The following MFSD6 variants were observed in gnomAD, a reference collection of about 807,000 sequenced individuals.
MFSD6 encodes the protein major facilitator superfamily domain-containing protein 6.
Under a neutral mutation model 56.3 loss-of-function variants are expected in MFSD6, and 26 were observed. The observed-to-expected ratio is 0.46, with a 90% CI of 0.34 to 0.64. The LOEUF (loss-of-function observed/expected upper bound fraction) is 0.64, where lower values mean the gene tolerates loss of function less well. MFSD6 is among the 30% of genes least tolerant of loss of function. The pLI is 0.01. For synonymous variants in MFSD6, 331 were observed against 366.9 expected (o/e 0.90, Z 1.12); for missense variants, 750 against 986.2 (o/e 0.76, Z 3.21).
Position 190,442,010 on chromosome 2 carries a change from G to A in MFSD6, c.1532+4449G>A, listed in dbSNP as rs1421232090. Among the ~76,000 whole-genome samples the A allele has an allele frequency of 2.6e-5, 4 of 152,248 alleles. 1 individual carries two copies. Among genetic ancestry groups the A allele is most frequent in the Non-Finnish European group, 1.5e-5 (1 of 68,010 alleles). On this transcript the variant is annotated intron_variant, in intron 3 of 7. Transcript: ENST00000392328. ...TCCTGATGGCAATTGATACTGTGAA[G>A]AAACAGAATACAAATAGAATAACTC...
intron 3 of MFSD6, among the ~76,000 whole-genome samples, chr2:190,449,862 T>G (rs1238172836): frequency 3.3e-5 from 5 of 150,610 alleles, no homozygotes; most frequent in African/African-American, 2.5e-5. Context: ...TGGGGACTGT[T>G]GTGGGGTGGG....
Position 190,451,559 on chromosome 2 carries a change from G to GCA in MFSD6, c.1532+13998_1532+13999insCA, listed in dbSNP as rs1686774238. On this transcript the variant is annotated intron_variant, in intron 3 of 7. Coordinates refer to ENST00000392328, the MANE Select transcript of MFSD6 (RefSeq NM_017694.4). The surrounding 1 kb of genome is among the most constrained non-coding windows in gnomAD (Gnocchi z 5.0). The stretch of plus-strand genomic sequence containing the variant: ...AGATGATTTTACTTCTGATAATGAT[G>GCA]GGTGATTTAGGGCAAAAGTAAGACA... Among the ~76,000 whole-genome samples the GCA allele has an allele frequency of 6.6e-6, 1 of 152,218 alleles. No individual in the cohort carries two copies. Among genetic ancestry groups the GCA allele is most frequent in the South Asian group, 2.1e-4 (1 of 4,834 alleles).
rs1026109691 is a variant in MFSD6, at chr2:190,496,504, CATT to C, written c.1892-932_1892-930del. Among the ~76,000 whole-genome samples, 19 of 152,104 alleles carry C rather than the reference CATT, an allele frequency of 1.2e-4. No homozygotes were observed. The highest frequency in any genetic ancestry group is 4.6e-4 in the African/African-American group (19 of 41,414). On this transcript the variant is annotated intron_variant, in intron 6 of 7. Transcript: ENST00000392328. The surrounding 1 kb of genome is among the most constrained non-coding windows in gnomAD (Gnocchi z 4.7). The stretch of plus-strand genomic sequence containing the variant: ...GGTATCTACCCAGAGGAAAAGAAGT[CATT>C]ATATGAAAAAGATACTTGTACATGC...
intron 3 of MFSD6, among the ~76,000 whole-genome samples, chr2:190,442,210 G>A (rs1686406726): frequency 6.6e-6 from 1 of 152,118 alleles, no homozygotes; most frequent in African/African-American, 2.4e-5. Context: ...ACATGCTCTA[G>A]AGGACCAAGT....
chr2:190,478,923 T>C (rs1235502846), intron 4 of MFSD6, among the ~76,000 whole-genome samples: 1 of 152,094 alleles, frequency 6.6e-6, no homozygotes, highest in Admixed American at 6.5e-5. Context: ...TGTCTAGTAC[T>C]ATCTAGAGGG....
At chr2:190,470,267 A>C (rs1687841466) in intron 4 of MFSD6, among the ~76,000 whole-genome samples, 1 of 152,226 alleles carries the variant, frequency 6.6e-6, no homozygotes, top group South Asian at 2.1e-4. Flanking sequence ...TTATCTCTTC[A>C]GTTATTTTTA....
chr2:190,440,068 G>A (rs1686316206), intron 3 of MFSD6, among the ~76,000 whole-genome samples: 1 of 152,146 alleles, frequency 6.6e-6, no homozygotes, highest in Admixed American at 6.5e-5. Flanking sequence ...ATCTGCCCAT[G>A]GCCTTTATGC....
At chr2:190,445,595 C>G (rs921793201) in intron 3 of MFSD6, among the ~76,000 whole-genome samples, 3 of 152,032 alleles carry the variant, frequency 2.0e-5, no homozygotes, top group Non-Finnish European at 4.4e-5. Flanking sequence ...TTCAGTTCTC[C>G]CAAGGATGGC....
rs779890156 is a variant in MFSD6 at position 190,500,039 on chromosome 2, T to C, written c.2197T>C (p.Ser733Pro). ...LQGTNENREN[S>P]PAGRAQPVPC... Reference sequence around the variant, plus strand: ...GGGGACCAATGAGAATAGGGAAAATTCTCCTGCTGGTAGAGCCCAGCCTGT... The same window carrying C: ...GGGGACCAATGAGAATAGGGAAAATCCTCCTGCTGGTAGAGCCCAGCCTGT... The change falls in exon 8 of 8, where the codon TCT becomes CCT. Residue 733 changes from serine to proline, a missense_variant. By Grantham distance (74) the Ser-to-Pro change is moderately conservative. Coordinates refer to ENST00000392328, the MANE Select transcript of MFSD6 (RefSeq NM_017694.4). The surrounding 1 kb of genome is among the most constrained non-coding windows in gnomAD (Gnocchi z 5.3). 1 of 1,614,022 alleles carries C rather than the reference T, an allele frequency of 6.2e-7. No homozygotes were observed. The highest frequency in any genetic ancestry group is 1.3e-5 in the African/African-American group (1 of 74,914).
intron 4 of MFSD6, among the ~76,000 whole-genome samples, chr2:190,478,128 T>C (rs1688447801): frequency 6.6e-6 from 1 of 152,188 alleles, no homozygotes; most frequent in Non-Finnish European, 1.5e-5. Flanking sequence ...GAGCTGGCCA[T>C]GTTCTGAATC....
chr2:190,477,525 G>C (rs2125184201), intron 4 of MFSD6: 1 of 211,284 alleles, frequency 4.7e-6, no homozygotes, highest in South Asian at 1.7e-4. Context: ...AACGGTTAAA[G>C]AACAACAGAA....
At chr2:190,480,657 G>C (rs1216369485) in intron 4 of MFSD6, among the ~76,000 whole-genome samples, 2 of 152,186 alleles carry the variant, frequency 1.3e-5, no homozygotes, top group Non-Finnish European at 2.9e-5. Flanking sequence ...GCTAAGGCTT[G>C]AATTAGACTA....
rs545512177 is a variant in MFSD6, at chr2:190,489,995, G to A, written c.1891+129G>A. On this transcript the variant is annotated intron_variant, in intron 6 of 7. Transcript: ENST00000392328. This position sits in a 1 kb window ranked among gnomAD's most constrained non-coding sequence, Gnocchi z 6.6. ...TGTTTGGCTCAATTTTCTGAGTGGC[G>A]TATCGATGAATTCATGTGGACTATT... is the stretch of plus-strand genomic sequence containing the variant. The A allele has an allele frequency of 8.0e-5, 54 of 678,904 alleles. No individual in the cohort carries two copies. The highest frequency in any genetic ancestry group is 1.1e-4 in the Non-Finnish European group (45 of 414,704). 42.1% of individuals were successfully genotyped at this position (678,904 alleles called of 1,614,324 possible).
intron 2 of MFSD6, among the ~76,000 whole-genome samples, chr2:190,419,345 C>A (rs1037891757): frequency 6.6e-6 from 1 of 152,352 alleles, no homozygotes; most frequent in East Asian, 1.9e-4. Context: ...CTGGGACTCA[C>A]ATTTCCCAAA....
chr2:190,421,615 C>G (rs940229675), intron 2 of MFSD6, among the ~76,000 whole-genome samples: 1 of 152,138 alleles, frequency 6.6e-6, no homozygotes, highest in African/African-American at 2.4e-5. Flanking sequence ...ACAGTTCTCA[C>G]CCTGTCACCC....
At chr2:190,414,477 G>A (rs957469219) in intron 1 of MFSD6, among the ~76,000 whole-genome samples, 2 of 152,178 alleles carry the variant, frequency 1.3e-5, no homozygotes, top group Non-Finnish European at 2.9e-5. Flanking sequence ...TTTTGAATGA[G>A]TAAACATGAC....
chr2:190,430,738 G>A (rs78480281), intron 2 of MFSD6, among the ~76,000 whole-genome samples: 66,837 of 149,298 alleles, frequency 0.45, 15,383 homozygotes, highest in Admixed American at 0.6. Context: ...CCCAGACGGG[G>A]TGGTGGCCAG....
At position 190,438,187 on chromosome 2, in the gene MFSD6, A is replaced by C. The variant is rs1376273356; in HGVS notation, c.1532+626A>C. ...ATATTTGAAAATCTTTCTTCCACCTAAAATTTCCCATGTAATTCTTTTAGT... is the reference window on the plus strand; with the variant it reads ...ATATTTGAAAATCTTTCTTCCACCTCAAATTTCCCATGTAATTCTTTTAGT... On this transcript the variant is annotated intron_variant, in intron 3 of 7. Coordinates refer to ENST00000392328, the MANE Select transcript of MFSD6 (RefSeq NM_017694.4). This position sits in a 1 kb window ranked among gnomAD's most constrained non-coding sequence, Gnocchi z 5.2. 7.0e-6 allele frequency among the ~76,000 whole-genome samples: 1 copy of C among 143,148 alleles called. No homozygotes were observed. The highest frequency in any genetic ancestry group is 2.6e-5 in the African/African-American group (1 of 38,460). 93.9% of individuals were successfully genotyped at this position (143,148 alleles called of 152,430 possible).
At chr2:190,481,820 CAGA>C (rs1488577900) in intron 4 of MFSD6, among the ~76,000 whole-genome samples, 1 of 152,190 alleles carries the variant, frequency 6.6e-6, no homozygotes, top group African/African-American at 2.4e-5. Context: ...GTGCAGCACA[CAGA>C]AGATCCATGC....
Sources: allele counts gnomAD v4.1 joint callset (sites outside exome capture counted in the v4.1 genomes callset), GRCh38; gene constraint gnomAD v4.1.1; non-coding constraint Gnocchi (gnomAD v3.1); transcripts MANE v1.5; gene names NCBI Gene and HGNC (gene_info 2026-07-23, HGNC 2026-07-21).